SLC71A2: variants seen among roughly 807,000 people sequenced by gnomAD.
The protein encoded by SLC71A2 is hippocampus abundant transcript-like 1.
chr9:94,387,427 A>AT, the SLC71A2 span, among the ~76,000 whole-genome samples: 30,966 of 150,184 alleles, frequency 0.21, 3,444 homozygotes, highest in African/African-American at 0.31. Flanking sequence ...CTGGTTTGCT[A>AT]TTTTTTTTTT....
the SLC71A2 span, among the ~76,000 whole-genome samples, chr9:94,435,097 G>T: frequency 6.6e-6 from 1 of 152,012 alleles, no homozygotes; most frequent in East Asian, 1.9e-4. Flanking sequence ...TAAATTCTGT[G>T]GTCAATCATT....
chr9:94,392,420 G>A, the SLC71A2 span, among the ~76,000 whole-genome samples: 3 of 151,794 alleles, frequency 2.0e-5, no homozygotes, highest in African/African-American at 7.3e-5. Context: ...TATAGCTGTT[G>A]TTAAATGTGT....
At chr9:94,433,934 A>T in the SLC71A2 span, among the ~76,000 whole-genome samples, 1 of 152,236 alleles carries the variant, frequency 6.6e-6, no homozygotes, top group Non-Finnish European at 1.5e-5. Flanking sequence ...CTTGGAAAGA[A>T]CTACCTTCTA....
At chr9:94,379,118 C>T in the SLC71A2 span, among the ~76,000 whole-genome samples, 1 of 124,280 alleles carries the variant, frequency 8.0e-6, no homozygotes. Flanking sequence ...CGGAGTTTCA[C>T]TGTTGTTGCC....
chr9:94,452,207 A>C, the SLC71A2 span, among the ~76,000 whole-genome samples: 1 of 152,216 alleles, frequency 6.6e-6, no homozygotes, highest in Non-Finnish European at 1.5e-5. Flanking sequence ...TAATGTTGAA[A>C]AGTAAGTAGA....
the SLC71A2 span, chr9:94,451,569 T>C: frequency 2.8e-4 from 292 of 1,044,454 alleles, no homozygotes; most frequent in Non-Finnish European, 3.8e-4. Flanking sequence ...TTAAAAAATA[T>C]CCTGATAACC....
chr9:94,375,323 C>T, the SLC71A2 span, among the ~76,000 whole-genome samples: 1 of 151,808 alleles, frequency 6.6e-6, no homozygotes, highest in Admixed American at 6.5e-5. Context: ...TGCCGGGCAG[C>T]GCCTTGCTGC....
the SLC71A2 span, among the ~76,000 whole-genome samples, chr9:94,435,308 A>G: frequency 2.6e-5 from 4 of 152,284 alleles, no homozygotes; most frequent in South Asian, 2.1e-4. Flanking sequence ...CACATCTACT[A>G]TCCACCTACA....
the SLC71A2 span, among the ~76,000 whole-genome samples, chr9:94,412,283 A>C: frequency 6.6e-6 from 1 of 152,170 alleles, no homozygotes; most frequent in Non-Finnish European, 1.5e-5. Flanking sequence ...GAAGCTTTTT[A>C]TATGTTAGAG....
chr9:94,426,518 C>T, the SLC71A2 span, among the ~76,000 whole-genome samples: 1 of 152,040 alleles, frequency 6.6e-6, no homozygotes. Flanking sequence ...CATCCAGAAG[C>T]GCCTTATGAT....
chr9:94,374,897 C>G, the SLC71A2 span: 44 of 1,261,206 alleles, frequency 3.5e-5, no homozygotes, highest in Non-Finnish European at 4.3e-5. Flanking sequence ...CGGAGAAGCG[C>G]GCGGGCGCGC....
At chr9:94,459,248 A>C in the SLC71A2 span, 4 of 1,614,048 alleles carry the variant, frequency 2.5e-6, no homozygotes, top group Non-Finnish European at 3.4e-6. Flanking sequence ...TCCTGAATAC[A>C]GTAAAGCCAG....
At chr9:94,399,913 C>T in the SLC71A2 span, among the ~76,000 whole-genome samples, 1 of 151,378 alleles carries the variant, frequency 6.6e-6, no homozygotes, top group Non-Finnish European at 1.5e-5. Flanking sequence ...TCATGCGATT[C>T]TCCTGCCTCA....
chr9:94,388,363 TA>T, the SLC71A2 span, among the ~76,000 whole-genome samples: 5 of 151,822 alleles, frequency 3.3e-5, no homozygotes, highest in African/African-American at 7.3e-5. Flanking sequence ...TAATGTACAC[TA>T]AAAAAAAGGC....
the SLC71A2 span, among the ~76,000 whole-genome samples, chr9:94,410,373 G>T: frequency 2.0e-5 from 3 of 151,588 alleles, no homozygotes; most frequent in East Asian, 3.9e-4. Flanking sequence ...AAAGTGCCAG[G>T]ATTACTGGCA....
the SLC71A2 span, among the ~76,000 whole-genome samples, chr9:94,376,478 A>T: frequency 2.0e-5 from 3 of 151,898 alleles, no homozygotes; most frequent in African/African-American, 7.3e-5. Flanking sequence ...AAAGATGATC[A>T]TTACTGCTGT....
At chr9:94,456,696 GTTAC>G in the SLC71A2 span, among the ~76,000 whole-genome samples, 113 of 152,192 alleles carry the variant, frequency 7.4e-4, no homozygotes, top group African/African-American at 2.6e-3. Flanking sequence ...TTAACCACGA[GTTAC>G]TTAATTACTT....
the SLC71A2 span, among the ~76,000 whole-genome samples, chr9:94,457,284 C>G: frequency 1.3e-5 from 2 of 152,108 alleles, no homozygotes; most frequent in Non-Finnish European, 1.5e-5. Context: ...AAGCAGTTCC[C>G]ATGGCTAGAT....
At chr9:94,374,977 G>A in the SLC71A2 span, 1 of 1,212,916 alleles carries the variant, frequency 8.2e-7, no homozygotes, top group Non-Finnish European at 1.0e-6. Flanking sequence ...GAGGCTGGGT[G>A]GGGTCGCACC....
Sources: allele counts gnomAD v4.1 joint callset (sites outside exome capture counted in the v4.1 genomes callset), GRCh38; gene constraint gnomAD v4.1.1; transcripts MANE v1.5; gene names NCBI Gene and HGNC (gene_info 2026-07-23, HGNC 2026-07-21).